Variants in ASXL1 observed in about 807,000 individuals in gnomAD.
The protein encoded by ASXL1 is ASXL transcriptional regulator 1, also known as polycomb group protein ASXL1.
In ASXL1, 65 loss-of-function variants were observed where a neutral mutation model predicts 89.1. That is an observed-to-expected ratio of 0.73 (90% confidence interval 0.60 to 0.90). The LOEUF is 0.90. ASXL1 is among the 40% of genes least tolerant of loss of function. The pLI is 0.00. For missense variants in ASXL1, 1,786 were observed against 1,942.9 expected (o/e 0.92, Z 1.52); for synonymous variants, 739 against 746.9 (o/e 0.99, Z 0.17).
Position 32,429,253 on chromosome 20 carries a change from C to T in ASXL1, c.472-85C>T, listed in dbSNP as rs1009226242. The stretch of plus-strand genomic sequence containing the variant: ...GAAGACGAACTTCATTTTACAAGAG[C>T]GTGAGTAGAGATAGTGTCGCCAGGG... On this transcript the variant is annotated intron_variant, in intron 6 of 12. Coordinates refer to ENST00000375687, the MANE Select transcript of ASXL1 (RefSeq NM_015338.6). This position sits in a 1 kb window ranked among gnomAD's most constrained non-coding sequence, Gnocchi z 4.9. 6 of 1,307,660 alleles carry T rather than the reference C, an allele frequency of 4.6e-6. No individual in the cohort carries two copies. The highest frequency in any genetic ancestry group is 1.2e-5 in the South Asian group (1 of 80,224). 81.0% of individuals were successfully genotyped at this position (1,307,660 alleles called of 1,614,324 possible). A position where few individuals can be genotyped will look rare whatever the true frequency, so the allele number is the denominator to read the frequency against.
chr20:32,371,799 G>C (rs1479224713), intron 4 of ASXL1: 2 of 448,742 alleles, frequency 4.5e-6, no homozygotes, highest in Non-Finnish European at 9.0e-6. Flanking sequence ...TGCTATGTTG[G>C]TTAAACTGGT....
At chr20:32,376,193 T>A (rs2048374778) in intron 4 of ASXL1, among the ~76,000 whole-genome samples, 1 of 152,134 alleles carries the variant, frequency 6.6e-6, no homozygotes, top group African/African-American at 2.4e-5. Flanking sequence ...GTGAGTGTCT[T>A]GCCTATGATA....
At position 32,429,302 on chromosome 20, in the gene ASXL1, G is replaced by T; in HGVS notation, c.472-36G>T. 2 of 1,601,862 alleles carry T rather than the reference G, an allele frequency of 1.2e-6. No individual in the cohort carries two copies. Among genetic ancestry groups the T allele is most frequent in the Admixed American group, 1.7e-5 (1 of 59,494 alleles). The stretch of plus-strand genomic sequence containing the variant: ...GGAATGCTTTTGTGGCTCTGCAGTT[G>T]ACTTGGGCTCTCTTTTGTTCTCTCT... On this transcript the variant is annotated intron_variant, in intron 6 of 12. Transcript: ENST00000375687. The surrounding 1 kb of genome is among the most constrained non-coding windows in gnomAD (Gnocchi z 4.9).
chr20:32,358,744 G>A lies in ASXL1; in HGVS notation c.-32G>A, dbSNP rs886056595. ...CCAGCCCGCCCAGCCCGGAGGTCCC[G>A]CGTGGAGCTGCCGCCGCCGCCGGGG... is the stretch of plus-strand genomic sequence containing the variant. On this transcript the variant is annotated 5_prime_UTR_variant, in exon 1 of 13. Coordinates refer to ENST00000375687, the MANE Select transcript of ASXL1 (RefSeq NM_015338.6). 1.5e-6 allele frequency: 1 copy of A among 665,362 alleles called. No homozygotes were observed. Among genetic ancestry groups the A allele is most frequent in the Non-Finnish European group, 2.4e-6 (1 of 422,312 alleles). 41.2% of individuals were successfully genotyped at this position (665,362 alleles called of 1,614,324 possible).
chr20:32,371,431 GC>G (rs2048299333), intron 4 of ASXL1, among the ~76,000 whole-genome samples: 1 of 151,612 alleles, frequency 6.6e-6, no homozygotes, highest in South Asian at 2.1e-4. Context: ...GACTTCAGGC[GC>G]ATACCACTAT....
chr20:32,436,202 G>C lies in ASXL1; in HGVS notation c.3490G>C (p.Gly1164Arg). The change falls in exon 13 of 13, where the codon GGA becomes CGA. Residue 1164 changes from glycine (G) to arginine (R), a missense_variant. Physicochemically the swap from Gly to Arg is moderately radical, Grantham distance 125 (BLOSUM62 -2). This residue lies in a region of ASXL1 where 1,418 missense variants were observed against 1,427.8 expected (regional missense o/e 0.99). Coordinates refer to ENST00000375687, the MANE Select transcript of ASXL1 (RefSeq NM_015338.6). ...GLGKNSGMVD[G>R]SSPSSLRALK... ...TGGAAAAAACAGTGGCATGGTTGAT[G>C]GAAGCAGCCCCAGTTCTTTAAGGGC... The C allele has an allele frequency of 6.2e-7, 1 of 1,614,236 alleles. No individual in the cohort carries two copies. Among genetic ancestry groups the C allele is most frequent in the Non-Finnish European group, 8.5e-7 (1 of 1,180,046 alleles).
intron 4 of ASXL1, among the ~76,000 whole-genome samples, chr20:32,390,257 G>A (rs2048648633): frequency 6.6e-6 from 1 of 152,144 alleles, no homozygotes; most frequent in Non-Finnish European, 1.5e-5. Flanking sequence ...AACAATAGTT[G>A]TATGAGTAGT....
At chr20:32,394,122 C>T (rs950969104) in intron 4 of ASXL1, among the ~76,000 whole-genome samples, 4 of 151,986 alleles carry the variant, frequency 2.6e-5, no homozygotes, top group Non-Finnish European at 5.9e-5. Context: ...CCTGCCTCAG[C>T]CTCCCAAGTA....
chr20:32,413,671 T>C (rs1006814075), intron 4 of ASXL1, among the ~76,000 whole-genome samples: 2 of 152,216 alleles, frequency 1.3e-5, no homozygotes, highest in Admixed American at 6.5e-5. Flanking sequence ...CTTTCAGTGC[T>C]AAAACTGGAA....
Position 32,435,052 on chromosome 20 carries a change from G to C in ASXL1, c.2340G>C (p.Gln780His). The change falls in exon 13 of 13, where the codon CAG (glutamine) becomes CAC (histidine). Residue 780 changes from glutamine to histidine, a missense_variant. By Grantham distance (24) the Gln-to-His change is conservative (BLOSUM62 0). Transcript: ENST00000375687. The stretch of plus-strand genomic sequence containing the variant: ...CTGAGAGATTAGTGGAGCAGCCTCA[G>C]TTGCATCCGGATGTTAGAACTGAAT... Reference protein sequence around the residue: ...SVAERLVEQPQLHPDVRTECE... With the variant: ...SVAERLVEQPHLHPDVRTECE... 6.2e-7 allele frequency: 1 copy of C among 1,614,138 alleles called. No homozygotes were observed. The highest frequency in any genetic ancestry group is 1.1e-5 in the South Asian group (1 of 91,088).
chr20:32,363,289 A>C (rs1478807387), intron 1 of ASXL1, among the ~76,000 whole-genome samples: 1 of 152,122 alleles, frequency 6.6e-6, no homozygotes, highest in East Asian at 1.9e-4. Context: ...AAAATTCGCC[A>C]GCTCAGCTTT....
At chr20:32,430,103 G>A (rs1038225510) in intron 8 of ASXL1, 50 bp downstream of exon 8, 1 of 1,575,132 alleles carries the variant, frequency 6.3e-7, no homozygotes, top group African/African-American at 1.4e-5. Flanking sequence ...GCCCCTGCAG[G>A]CCTAGTGAGA....
chr20:32,428,608 A>C (rs931333424), intron 6 of ASXL1, among the ~76,000 whole-genome samples, 186 bp downstream of exon 6: 17 of 143,180 alleles, frequency 1.2e-4, no homozygotes, highest in African/African-American at 4.3e-4. Flanking sequence ...GAGCAGAGTA[A>C]GTTTTTTCTC....
intron 1 of ASXL1, among the ~76,000 whole-genome samples, chr20:32,365,841 G>A (rs1025111233): frequency 2.0e-5 from 3 of 152,124 alleles, no homozygotes; most frequent in Admixed American, 6.5e-5. Flanking sequence ...AGAAAGCACC[G>A]TTTAAAAATA....
chr20:32,429,868 A>C lies in ASXL1; in HGVS notation c.566-33A>C. On this transcript the variant is annotated intron_variant, in intron 7 of 12. Coordinates refer to ENST00000375687, the MANE Select transcript of ASXL1 (RefSeq NM_015338.6). This position sits in a 1 kb window ranked among gnomAD's most constrained non-coding sequence, Gnocchi z 4.9. ...TGAGAGCCATGGGCGCGGCTTGGTG[A>C]TACTTTTGACCAGTGGAATGCTGTG... 2 of 1,603,598 alleles carry C rather than the reference A, an allele frequency of 1.2e-6. No homozygotes were observed. The highest frequency in any genetic ancestry group is 1.7e-6 in the Non-Finnish European group (2 of 1,178,270).
In ASXL1 at chr20:32,438,497, G is replaced by A. The variant is rs2012053800; in HGVS notation, c.*1159G>A. On this transcript the variant is annotated 3_prime_UTR_variant, in exon 13 of 13. Transcript: ENST00000375687. ...TGACTTGTGACCTGCCAGGTTGCCCGATGCCCTGTTGGGTCACCGGCTGGA... is the reference window on the plus strand; with the variant it reads ...TGACTTGTGACCTGCCAGGTTGCCCAATGCCCTGTTGGGTCACCGGCTGGA... 2 of 233,484 alleles carry A rather than the reference G, an allele frequency of 8.6e-6. No individual in the cohort carries two copies. The highest frequency in any genetic ancestry group is 1.7e-5 in the Non-Finnish European group (2 of 118,050). The allele number at this position is 233,484 out of a possible 1,614,324, so 14.5% of individuals were successfully genotyped here.
intron 4 of ASXL1, among the ~76,000 whole-genome samples, chr20:32,389,948 T>C (rs1185021168): frequency 6.6e-6 from 1 of 152,262 alleles, no homozygotes; most frequent in East Asian, 1.9e-4. Context: ...TAAAGTTATA[T>C]TTGGTATTTT....
In ASXL1 at chr20:32,436,174, T is replaced by G; in HGVS notation, c.3462T>G (p.Gly1154=). Residue 1154 remains glycine, a synonymous_variant, in exon 13 of 13, where the codon GGT becomes GGG. Coordinates refer to ENST00000375687, the MANE Select transcript of ASXL1 (RefSeq NM_015338.6). Reference sequence around the variant, plus strand: ...CGCTACGCATGGGATCTTTACATGGTCTTGGAAAAAACAGTGGCATGGTTG... The same window carrying G: ...CGCTACGCATGGGATCTTTACATGGGCTTGGAAAAAACAGTGGCATGGTTG... ...HGSLRMGSLH[G]LGKNSGMVDG... The G allele has an allele frequency of 6.2e-7, 1 of 1,614,184 alleles. No individual in the cohort carries two copies. Among genetic ancestry groups the G allele is most frequent in the Non-Finnish European group, 8.5e-7 (1 of 1,180,034 alleles).
intron 4 of ASXL1, among the ~76,000 whole-genome samples, chr20:32,402,021 C>G (rs139812955): frequency 1.8e-4 from 27 of 152,316 alleles, no homozygotes; most frequent in African/African-American, 6.5e-4. Flanking sequence ...CCATGCGTAG[C>G]TGAAAGCAAG....
Sources: allele counts gnomAD v4.1 joint callset (sites outside exome capture counted in the v4.1 genomes callset), GRCh38; gene constraint gnomAD v4.1.1; regional missense constraint gnomAD v4.1.1; non-coding constraint Gnocchi (gnomAD v3.1); transcripts MANE v1.5; gene names NCBI Gene and HGNC (gene_info 2026-07-23, HGNC 2026-07-21).